The following MAN1C1 variants were observed in gnomAD, a reference collection of about 807,000 sequenced individuals.
The protein encoded by MAN1C1 is mannosyl-oligosaccharide 1,2-alpha-mannosidase IC.
In MAN1C1, 49 loss-of-function variants were observed where a neutral mutation model predicts 71.5. That is an observed-to-expected ratio of 0.69 (90% CI 0.54 to 0.87). The LOEUF (loss-of-function observed/expected upper bound fraction) is 0.87. MAN1C1 is among the 40% of genes least tolerant of loss of function. The pLI, the probability that MAN1C1 is intolerant of heterozygous loss-of-function variation, is 0.00. For missense variants in MAN1C1, 743 were observed against 835.0 expected, an observed-to-expected ratio of 0.89 and a Z score of 1.36; for synonymous variants, 352 against 343.7, an observed-to-expected ratio of 1.02 and a Z score of -0.27.
At chr1:25,732,560 C>T (rs1228957201) in intron 2 of MAN1C1, among the ~76,000 whole-genome samples, 4 of 152,202 alleles carry the variant, frequency 2.6e-5, no homozygotes, top group African/African-American at 4.8e-5. Flanking sequence ...CGCAGGTTTG[C>T]GTCTGCGGCG....
chr1:25,617,671 C>G lies in MAN1C1; in HGVS notation c.-127C>G. ...GACAGTCCCCCGAAGCGGCGAAACT[C>G]TCAGGGTTGGCAACCCTGCCCAGGG... On this transcript the variant is annotated 5_prime_UTR_variant, in exon 1 of 12. Coordinates refer to ENST00000374332, the MANE Select transcript of MAN1C1 (RefSeq NM_020379.4). The surrounding 1 kb of genome is among the most constrained non-coding windows in gnomAD (Gnocchi z 5.1). 4 of 784,136 alleles carry G rather than the reference C, an allele frequency of 5.1e-6. No homozygotes were observed. Among genetic ancestry groups the G allele is most frequent in the Non-Finnish European group, 7.7e-6 (4 of 519,392 alleles). The allele number at this position is 784,136 out of a possible 1,614,324, so 48.6% of individuals were successfully genotyped here.
At chr1:25,638,021 A>G (rs1163389398) in intron 1 of MAN1C1, among the ~76,000 whole-genome samples, 3 of 151,978 alleles carry the variant, frequency 2.0e-5, no homozygotes, top group Non-Finnish European at 4.4e-5. Context: ...ATTAGTGTTT[A>G]TTCCATTTAT....
intron 1 of MAN1C1, among the ~76,000 whole-genome samples, chr1:25,623,188 A>G (rs959470435): frequency 1.3e-5 from 2 of 152,158 alleles, no homozygotes; most frequent in Non-Finnish European, 2.9e-5. Context: ...CAGCCCAGCC[A>G]TACGCCTCCT....
At chr1:25,672,208 A>T (rs1009814147) in intron 1 of MAN1C1, among the ~76,000 whole-genome samples, 5 of 150,310 alleles carry the variant, frequency 3.3e-5, no homozygotes, top group Non-Finnish European at 7.4e-5. Context: ...GCTCCAGAAG[A>T]GAGAGAGAGA....
chr1:25,651,926 G>A (rs1029406391), intron 1 of MAN1C1, among the ~76,000 whole-genome samples: 2 of 152,194 alleles, frequency 1.3e-5, no homozygotes, highest in African/African-American at 4.8e-5. Flanking sequence ...ATGGGTGCTT[G>A]TGAATGAGGA....
At position 25,782,750 on chromosome 1, in the gene MAN1C1, T is replaced by C; in HGVS notation, c.1766+50T>C. Reference sequence around the variant, plus strand: ...GGATGGACAGGTGGGAGGTTGAGGGTAGGGGTCCGCAGTCCCTCCCCTCCA... The same window carrying C: ...GGATGGACAGGTGGGAGGTTGAGGGCAGGGGTCCGCAGTCCCTCCCCTCCA... On this transcript the variant is annotated intron_variant, in intron 11 of 11. Transcript: ENST00000374332. The surrounding 1 kb of genome is among the most constrained non-coding windows in gnomAD (Gnocchi z 4.4). 7.3e-7 allele frequency: 1 copy of C among 1,371,814 alleles called. No individual in the cohort carries two copies. The allele number at this position is 1,371,814 out of a possible 1,614,324, so 85.0% of individuals were successfully genotyped here. A position where few individuals can be genotyped will look rare whatever the true frequency, so the allele number is the denominator to read the frequency against.
chr1:25,765,852 G>A (rs941545861), intron 7 of MAN1C1, among the ~76,000 whole-genome samples: 3 of 152,154 alleles, frequency 2.0e-5, no homozygotes, highest in Non-Finnish European at 4.4e-5. Flanking sequence ...GTGGCCTCCC[G>A]TAAAAACCAC....
At chr1:25,709,795 G>A (rs754106075) in intron 2 of MAN1C1, 26 of 152,008 alleles carry the variant, frequency 1.7e-4, no homozygotes, top group Non-Finnish European at 3.1e-4. Context: ...GCCCAGACTG[G>A]AGTGCAGTGG....
At chr1:25,781,651 C>G (rs1299779071) in intron 10 of MAN1C1, among the ~76,000 whole-genome samples, 1 of 152,140 alleles carries the variant, frequency 6.6e-6, no homozygotes, top group Non-Finnish European at 1.5e-5. Context: ...TGTGGGGATT[C>G]CAGCAGGTTC....
chr1:25,643,237 A>T (rs1015776131), intron 1 of MAN1C1, among the ~76,000 whole-genome samples: 6 of 139,678 alleles, frequency 4.3e-5, no homozygotes, highest in African/African-American at 1.4e-4. Context: ...CCTTTTAATT[A>T]ATTAATTAAT....
intron 1 of MAN1C1, among the ~76,000 whole-genome samples, chr1:25,671,314 C>G (rs1352681189): frequency 6.6e-6 from 1 of 152,186 alleles, no homozygotes; most frequent in African/African-American, 2.4e-5. Flanking sequence ...GGGTGGCACA[C>G]AGTAAGTGCT....
intron 1 of MAN1C1, among the ~76,000 whole-genome samples, chr1:25,653,641 T>C (rs1229882862): frequency 6.6e-6 from 1 of 152,094 alleles, no homozygotes; most frequent in East Asian, 1.9e-4. Flanking sequence ...ACAGAGGCCG[T>C]TGGTCTTAAG....
intron 8 of MAN1C1, 198 bp downstream of exon 8, chr1:25,771,970 T>C (rs2047559296): frequency 1.8e-6 from 1 of 564,276 alleles, no homozygotes; most frequent in Middle Eastern, 4.7e-4. Context: ...TCCCACATGC[T>C]CTAAGACTGG....
chr1:25,658,118 G>C (rs1461317822), intron 1 of MAN1C1, among the ~76,000 whole-genome samples: 1 of 152,236 alleles, frequency 6.6e-6, no homozygotes, highest in African/African-American at 2.4e-5. Context: ...TCCTGTGCAG[G>C]GTGGCCTAGT....
intron 1 of MAN1C1, among the ~76,000 whole-genome samples, chr1:25,670,705 C>T (rs2045982242): frequency 6.6e-6 from 1 of 152,244 alleles, no homozygotes; most frequent in Non-Finnish European, 1.5e-5. Flanking sequence ...CTTTCTGAAT[C>T]AGCCAGACCC....
At position 25,737,775 on chromosome 1, in the gene MAN1C1, G is replaced by A. The variant is rs138815588; in HGVS notation, c.638-8893G>A. Among the ~76,000 whole-genome samples, 544 of 152,214 alleles carry A rather than the reference G, an allele frequency of 3.6e-3. 7 individuals are homozygous for A. Among genetic ancestry groups the A allele is most frequent in the African/African-American group, 0.012 (516 of 41,516 alleles). ...GGAACGTCTTGGGAAAAGGCTGAAT[G>A]TATGAGCCAAGGCCAGAAAGATGAG... On this transcript the variant is annotated intron_variant, in intron 2 of 11. Coordinates refer to ENST00000374332, the MANE Select transcript of MAN1C1 (RefSeq NM_020379.4).
intron 1 of MAN1C1, among the ~76,000 whole-genome samples, chr1:25,638,640 A>G (rs2045496941): frequency 6.6e-6 from 1 of 152,080 alleles, no homozygotes; most frequent in South Asian, 2.1e-4. Flanking sequence ...TTATTTCAAA[A>G]GGGTATTTTT....
intron 1 of MAN1C1, among the ~76,000 whole-genome samples, chr1:25,629,159 A>G (rs1328676531): frequency 3.3e-5 from 5 of 152,218 alleles, no homozygotes. Context: ...TAGTTCTTAA[A>G]GGAATCTCCA....
intron 1 of MAN1C1, among the ~76,000 whole-genome samples, chr1:25,649,320 T>G (rs2045658136): frequency 6.6e-6 from 1 of 152,224 alleles, no homozygotes; most frequent in Non-Finnish European, 1.5e-5. Context: ...TGACAGCATA[T>G]AGAGCATGCC....
Sources: gnomAD v4.1 joint callset for allele counts (sites outside exome capture counted in the v4.1 genomes callset) on GRCh38, gnomAD v4.1.1 for gene constraint, Gnocchi (gnomAD v3.1) non-coding constraint, MANE v1.5 for transcripts, NCBI Gene and HGNC (gene_info 2026-07-23, HGNC 2026-07-21) for gene names.